Variants in RCAN2 observed in about 807,000 individuals in gnomAD.
RCAN2 encodes calcipressin-2.
RCAN2 carries 9 observed loss-of-function variants against 23.6 expected under a neutral mutation model. The ratio of observed to expected loss-of-function variants is 0.38; its 90% CI spans 0.23 to 0.67. RCAN2 has a LOEUF of 0.67. Ranked by LOEUF, RCAN2 falls within the 30% of genes least tolerant of loss-of-function variation. The pLI is 0.51. For missense variants in RCAN2, 273 were observed against 302.3 expected, an observed-to-expected ratio of 0.90 and a Z score of 0.72; for synonymous variants, 109 against 115.7, an observed-to-expected ratio of 0.94 and a Z score of 0.37.
chr6:46,428,177 C>T (rs1466746402), intron 2 of RCAN2, among the ~76,000 whole-genome samples: 1 of 152,134 alleles, frequency 6.6e-6, no homozygotes, highest in Non-Finnish European at 1.5e-5. Context: ...CAGATAGATG[C>T]TTGTTTTTCC....
intron 2 of RCAN2, among the ~76,000 whole-genome samples, chr6:46,360,865 C>T (rs1156367611): frequency 2.6e-5 from 4 of 152,174 alleles, no homozygotes; most frequent in African/African-American, 9.7e-5. Flanking sequence ...CTCTTAAATG[C>T]AGTTCTAATG....
intron 1 of RCAN2, among the ~76,000 whole-genome samples, chr6:46,479,702 C>A (rs959946051): frequency 1.3e-5 from 2 of 151,296 alleles, no homozygotes; most frequent in Non-Finnish European, 2.9e-5. Context: ...CCTGCCTCAG[C>A]CTCCTGAGTA....
At chr6:46,284,544 C>T (rs1172735264) in intron 2 of RCAN2, among the ~76,000 whole-genome samples, 1 of 152,172 alleles carries the variant, frequency 6.6e-6, no homozygotes, top group Admixed American at 6.5e-5. Flanking sequence ...GGTGACTCAG[C>T]TCATTTGTTA....
At chr6:46,348,780 C>T (rs745639023) in intron 2 of RCAN2, among the ~76,000 whole-genome samples, 3 of 152,162 alleles carry the variant, frequency 2.0e-5, no homozygotes, top group Non-Finnish European at 4.4e-5. Context: ...CAATCAGCAA[C>T]GTCTGCCAGT....
chr6:46,405,450 G>A (rs1766370978), intron 2 of RCAN2, among the ~76,000 whole-genome samples: 1 of 152,094 alleles, frequency 6.6e-6, no homozygotes, highest in South Asian at 2.1e-4. Context: ...GTTTTGTCAG[G>A]GCACTGATTG....
chr6:46,237,402 A>G (rs1055800725), intron 4 of RCAN2, among the ~76,000 whole-genome samples: 2 of 152,232 alleles, frequency 1.3e-5, no homozygotes, highest in African/African-American at 4.8e-5. Flanking sequence ...AAGATCCTCT[A>G]CATTCTCATT....
intron 4 of RCAN2, among the ~76,000 whole-genome samples, chr6:46,244,565 G>C (rs1349876918): frequency 1.3e-5 from 2 of 152,360 alleles, no homozygotes; most frequent in Non-Finnish European, 2.9e-5. Flanking sequence ...AAAATGATTT[G>C]AATTTTACTG....
At chr6:46,428,450 A>T (rs1345020253) in intron 2 of RCAN2, among the ~76,000 whole-genome samples, 2 of 152,236 alleles carry the variant, frequency 1.3e-5, no homozygotes, top group African/African-American at 4.8e-5. Flanking sequence ...TTTATGCATT[A>T]TTCATGGTAC....
At chr6:46,287,473 C>G (rs1015257652) in intron 2 of RCAN2, among the ~76,000 whole-genome samples, 1 of 152,188 alleles carries the variant, frequency 6.6e-6, no homozygotes, top group Admixed American at 6.5e-5. Flanking sequence ...CCCCCCACTT[C>G]CCAAAATACA....
At chr6:46,354,705 T>C (rs1475231319) in intron 2 of RCAN2, among the ~76,000 whole-genome samples, 1 of 152,266 alleles carries the variant, frequency 6.6e-6, no homozygotes, top group East Asian at 1.9e-4. Flanking sequence ...TGCCACCCAA[T>C]GTTTAAGTGC....
intron 2 of RCAN2, among the ~76,000 whole-genome samples, chr6:46,359,413 C>T (rs1365833615): frequency 6.6e-6 from 1 of 152,174 alleles, no homozygotes; most frequent in South Asian, 2.1e-4. Context: ...AGATGTACTT[C>T]ATCTATGTCA....
At chr6:46,252,736 C>T (rs1766776156) in intron 2 of RCAN2, among the ~76,000 whole-genome samples, 1 of 152,146 alleles carries the variant, frequency 6.6e-6, no homozygotes, top group African/African-American at 2.4e-5. Flanking sequence ...TATTTAATTT[C>T]CACATTAATA....
chr6:46,368,433 C>A (rs1283119963), intron 2 of RCAN2, among the ~76,000 whole-genome samples: 1 of 152,162 alleles, frequency 6.6e-6, no homozygotes, highest in African/African-American at 2.4e-5. Context: ...ATTAAGCATA[C>A]AGTCATGCAT....
chr6:46,397,121 A>T (rs992775430), intron 2 of RCAN2, among the ~76,000 whole-genome samples: 5 of 151,378 alleles, frequency 3.3e-5, no homozygotes, highest in African/African-American at 7.4e-5. Flanking sequence ...CAAAAAAAAT[A>T]AAAAAGTAAC....
At chr6:46,337,305 A>G (rs6940858) in intron 2 of RCAN2, among the ~76,000 whole-genome samples, 64,177 of 152,086 alleles carry the variant, frequency 0.42, 14,980 homozygotes, top group East Asian at 0.6. Context: ...AAAACTCTAG[A>G]AGCAGATTCC....
At chr6:46,356,699 A>C (rs1468291709) in intron 2 of RCAN2, among the ~76,000 whole-genome samples, 3 of 152,204 alleles carry the variant, frequency 2.0e-5, no homozygotes, top group African/African-American at 7.2e-5. Context: ...TGGGAGGCTC[A>C]GAGAACGAAG....
rs990382116 is a variant in RCAN2 at position 46,234,797 on chromosome 6, A to G, written c.572-11496T>C. ...CTGAGGTTTGGCCATTGCTTAAATT[A>G]GATGCCAAAGTTCTGTCTCGTCTTT... On this transcript the variant is annotated intron_variant, in intron 4 of 4. Coordinates refer to ENST00000371374, the MANE Select transcript of RCAN2 (RefSeq NM_001251974.2). Among the ~76,000 whole-genome samples the G allele has an allele frequency of 3.9e-5, 6 of 152,362 alleles. No individual in the cohort carries two copies. The South Asian group carries it at 8.3e-4, about 21-fold the overall frequency.
At chr6:46,376,611 T>G (rs928093872) in intron 2 of RCAN2, among the ~76,000 whole-genome samples, 1 of 150,978 alleles carries the variant, frequency 6.6e-6, no homozygotes, top group African/African-American at 2.4e-5. Flanking sequence ...ACCTGGGAGG[T>G]GGAGGTTGCA....
intron 2 of RCAN2, among the ~76,000 whole-genome samples, chr6:46,277,588 A>C (rs1270949417): frequency 1.5e-5 from 1 of 67,196 alleles, no homozygotes; most frequent in East Asian, 4.0e-4. Context: ...ACTTTTTAAA[A>C]CTTTTTTTTT....
Sources: gnomAD v4.1 joint callset for allele counts (sites outside exome capture counted in the v4.1 genomes callset) on GRCh38, gnomAD v4.1.1 for gene constraint, MANE v1.5 for transcripts, NCBI Gene and HGNC (gene_info 2026-07-23, HGNC 2026-07-21) for gene names.